The following IQCB1 variants were observed in gnomAD, a reference collection of about 807,000 sequenced individuals.
The protein encoded by IQCB1 is IQ motif containing B1.
IQCB1 carries 56 observed loss-of-function variants against 84.4 expected under a neutral mutation model. That is an observed-to-expected ratio of 0.66 (90% confidence interval 0.54 to 0.83). The LOEUF (loss-of-function observed/expected upper bound fraction) is 0.83, where lower values mean the gene tolerates loss of function less well. IQCB1 is among the 40% of genes least tolerant of loss of function. IQCB1 has a pLI of 0.00. For synonymous variants in IQCB1, 210 were observed against 234.8 expected (o/e 0.89, Z 0.96); for missense variants, 629 against 682.1 (o/e 0.92, Z 0.87).
chr3:121,781,678 G>T, intron 13 of IQCB1, 65 bp downstream of exon 13: 1 of 1,356,192 alleles, frequency 7.4e-7, no homozygotes, highest in Non-Finnish European at 1.1e-6. Flanking sequence ...ATGTGTGTGT[G>T]TGTACAGTTA....
At chr3:121,823,574 G>GA (rs141485348) in intron 5 of IQCB1, among the ~76,000 whole-genome samples, 4 of 151,900 alleles carry the variant, frequency 2.6e-5, no homozygotes, top group South Asian at 4.1e-4. Flanking sequence ...GCAAAAAGAG[G>GA]AAAAAAAATT....
chr3:121,825,657 G>A (rs116922465), intron 5 of IQCB1, among the ~76,000 whole-genome samples: 2 of 152,280 alleles, frequency 1.3e-5, no homozygotes, highest in East Asian at 3.9e-4. Flanking sequence ...ATTTTGACTG[G>A]AGAAGATATG....
At chr3:121,784,251 GACC>G (rs1190900093) in intron 12 of IQCB1, among the ~76,000 whole-genome samples, 1 of 145,800 alleles carries the variant, frequency 6.9e-6, no homozygotes, top group Admixed American at 6.9e-5. Flanking sequence ...TTCATATGTT[GACC>G]AGGCTGGCCT....
At chr3:121,774,992 G>T (rs1038348959) in intron 13 of IQCB1, among the ~76,000 whole-genome samples, 4 of 152,048 alleles carry the variant, frequency 2.6e-5, no homozygotes, top group Non-Finnish European at 5.9e-5. Context: ...AATTTCTTGG[G>T]GTGTGTGGGG....
In IQCB1 at chr3:121,772,637, C is replaced by T. The variant is rs767290661; in HGVS notation, c.1487G>A (p.Gly496Asp). The T allele has an allele frequency of 9.3e-6, 15 of 1,614,054 alleles. No individual in the cohort carries two copies. Among genetic ancestry groups the T allele is most frequent in the Non-Finnish European group, 1.1e-5 (13 of 1,180,032 alleles). ...AQERLQHYFMGRALEERAQQH... is the reference protein window; with the variant it reads ...AQERLQHYFMDRALEERAQQH... ...CTGGGCTCGCTCTTCTAGGGCCCTGCCCATAAAGTAGTGTTGCAGTCGTTC... is the reference window on the plus strand; with the variant it reads ...CTGGGCTCGCTCTTCTAGGGCCCTGTCCATAAAGTAGTGTTGCAGTCGTTC... The change falls in exon 14 of 15, where the codon GGC becomes GAC. Residue 496 changes from glycine (G) to aspartate (D), a missense_variant. By Grantham distance (94) the Gly-to-Asp change is moderately conservative (BLOSUM62 -1). Coordinates refer to ENST00000310864, the MANE Select transcript of IQCB1 (RefSeq NM_001023570.4).
chr3:121,817,431 AAAAAG>A (rs775315965), intron 5 of IQCB1, among the ~76,000 whole-genome samples: 133 of 152,188 alleles, frequency 8.7e-4, no homozygotes, highest in Middle Eastern at 3.4e-3. Context: ...ATAATAAAAA[AAAAAG>A]AAAAGAAAAG....
intron 10 of IQCB1, among the ~76,000 whole-genome samples, chr3:121,792,037 G>C (rs900047107): frequency 6.6e-6 from 1 of 152,112 alleles, no homozygotes; most frequent in African/African-American, 2.4e-5. Context: ...AGTGAGCCAA[G>C]ATCGTGCCAC....
intron 4 of IQCB1, among the ~76,000 whole-genome samples, chr3:121,827,308 CT>C (rs971957573): frequency 9.9e-5 from 15 of 151,890 alleles, no homozygotes; most frequent in Non-Finnish European, 1.8e-4. Context: ...ACATGTATCA[CT>C]TTTTGTTGTT....
intron 12 of IQCB1, among the ~76,000 whole-genome samples, chr3:121,783,818 T>A (rs565327070): frequency 2.9e-4 from 44 of 152,194 alleles, no homozygotes; most frequent in Admixed American, 1.3e-3. Context: ...CTTCTCAGGT[T>A]ATTCCCTCTT....
chr3:121,819,527 C>A (rs905384376), intron 5 of IQCB1, among the ~76,000 whole-genome samples: 1 of 151,912 alleles, frequency 6.6e-6, no homozygotes, highest in Non-Finnish European at 1.5e-5. Flanking sequence ...GGCTGGGGAC[C>A]CCTGACATAA....
Position 121,807,424 on chromosome 3 carries a change from G to C in IQCB1, c.507C>G (p.Phe169Leu). The change falls in exon 7 of 15, where the codon TTC becomes TTG. Residue 169 changes from phenylalanine (F) to leucine (L), a missense_variant. Coordinates refer to ENST00000310864, the MANE Select transcript of IQCB1 (RefSeq NM_001023570.4). ...LIQNVLQSDH[F>L]LHLLQADNVQ... ...CATTGTCAGCTTGCAGTAAATGTAA[G>C]AAATGATCACTTTGTAGTACTAAAG... The C allele has an allele frequency of 1.3e-6, 2 of 1,540,660 alleles. No homozygotes were observed. The highest frequency in any genetic ancestry group is 1.8e-6 in the Non-Finnish European group (2 of 1,114,446).
intron 5 of IQCB1, among the ~76,000 whole-genome samples, chr3:121,811,742 C>T (rs1334188841): frequency 6.6e-6 from 1 of 152,136 alleles, no homozygotes; most frequent in Admixed American, 6.5e-5. Flanking sequence ...CTGGGCAAGT[C>T]ATCTCTGAAA....
intron 6 of IQCB1, 133 bp from the exon 7 acceptor site, chr3:121,807,576 A>T: frequency 1.7e-6 from 1 of 581,982 alleles, no homozygotes; most frequent in East Asian, 3.0e-5. Flanking sequence ...ACTCTACGAT[A>T]AAGAAGACTT....
At chr3:121,813,996 A>T (rs1949946623) in intron 5 of IQCB1, among the ~76,000 whole-genome samples, 1 of 152,208 alleles carries the variant, frequency 6.6e-6, no homozygotes, top group South Asian at 2.1e-4. Context: ...CATCGCACTT[A>T]TTCTAAAATC....
chr3:121,832,941 C>A (rs1950700553), intron 2 of IQCB1, among the ~76,000 whole-genome samples: 1 of 152,178 alleles, frequency 6.6e-6, no homozygotes, highest in African/African-American at 2.4e-5. Flanking sequence ...CATTTTCATG[C>A]ACTATGTATA....
At chr3:121,775,701 A>C (rs1409682119) in intron 13 of IQCB1, among the ~76,000 whole-genome samples, 2 of 152,202 alleles carry the variant, frequency 1.3e-5, no homozygotes, top group African/African-American at 2.4e-5. Flanking sequence ...CAGGACCCCT[A>C]AATTTTTTTT....
chr3:121,824,828 A>G (rs1463051241), intron 5 of IQCB1, among the ~76,000 whole-genome samples: 1 of 152,130 alleles, frequency 6.6e-6, no homozygotes, highest in Non-Finnish European at 1.5e-5. Context: ...ACAAGAAAAA[A>G]AAAAGAGAAT....
At chr3:121,818,083 G>C (rs1440881863) in intron 5 of IQCB1, among the ~76,000 whole-genome samples, 1 of 152,212 alleles carries the variant, frequency 6.6e-6, no homozygotes, top group African/African-American at 2.4e-5. Context: ...CCTGAACAGA[G>C]TAAGTCAAGT....
intron 4 of IQCB1, among the ~76,000 whole-genome samples, chr3:121,828,223 T>G (rs1043482149): frequency 2.6e-5 from 4 of 152,126 alleles, no homozygotes; most frequent in Non-Finnish European, 5.9e-5. Flanking sequence ...ATTAGGCACT[T>G]GGAATTCAGT....
Sources: allele counts gnomAD v4.1 joint callset (sites outside exome capture counted in the v4.1 genomes callset), GRCh38; gene constraint gnomAD v4.1.1; transcripts MANE v1.5; gene names NCBI Gene and HGNC (gene_info 2026-07-23, HGNC 2026-07-21).